CTNND2: variants seen among roughly 807,000 people sequenced by gnomAD.
The protein encoded by CTNND2 is catenin delta 2, also known as catenin delta-2.
In CTNND2, 22 loss-of-function variants were observed where a neutral mutation model predicts 144.4. That is an observed-to-expected ratio of 0.15 (90% confidence interval 0.11 to 0.22). The LOEUF (loss-of-function observed/expected upper bound fraction) is 0.22, where lower values mean the gene tolerates loss of function less well. Among genes scored for constraint, CTNND2 ranks in the 10% least tolerant of loss-of-function variants. The pLI is 1.00. For synonymous variants in CTNND2, 751 were observed against 695.6 expected, an observed-to-expected ratio of 1.08 and a Z score of -1.25; for missense variants, 1,353 against 1,618.8, an observed-to-expected ratio of 0.84 and a Z score of 2.82.
rs1410467920 is a variant in CTNND2, at chr5:11,252,821, ACTC to A, written c.1629-16001_1629-15999del. Among the ~76,000 whole-genome samples, 9 of 152,154 alleles carry A rather than the reference ACTC, an allele frequency of 5.9e-5. No homozygotes were observed. In the East Asian group the frequency reaches 1.7e-3, roughly 29 times the overall value. ...AAGTTGGGCACCAAAATGAATGTGT[ACTC>A]CTCAGTAATTTCATGAGGATAAAGT... On this transcript the variant is annotated intron_variant, in intron 9 of 21. Transcript: ENST00000304623.
intron 2 of CTNND2, among the ~76,000 whole-genome samples, chr5:11,566,478 A>T (rs1777112323): frequency 6.6e-6 from 1 of 152,122 alleles, no homozygotes; most frequent in Non-Finnish European, 1.5e-5. Context: ...TTTCACTTCT[A>T]GACTTCTTAA....
intron 18 of CTNND2, among the ~76,000 whole-genome samples, chr5:10,996,874 G>A (rs1466613209): frequency 6.6e-6 from 1 of 152,150 alleles, no homozygotes; most frequent in Non-Finnish European, 1.5e-5. Context: ...TGGGATTACA[G>A]GTGTGAGCCA....
chr5:11,635,984 A>C (rs1427398074), intron 2 of CTNND2, among the ~76,000 whole-genome samples: 3 of 151,924 alleles, frequency 2.0e-5, no homozygotes, highest in African/African-American at 7.3e-5. Flanking sequence ...AATTGTTCAA[A>C]TGTCTTATCT....
chr5:11,593,773 C>T (rs147851971), intron 2 of CTNND2, among the ~76,000 whole-genome samples: 2 of 152,158 alleles, frequency 1.3e-5, no homozygotes, highest in African/African-American at 4.8e-5. Context: ...TTTTAAATCA[C>T]CCAGTCTCCA....
chr5:11,752,828 A>G (rs1260176559), intron 1 of CTNND2, among the ~76,000 whole-genome samples: 2 of 151,656 alleles, frequency 1.3e-5, no homozygotes, highest in Non-Finnish European at 3.0e-5. Flanking sequence ...ATGTTCTTCC[A>G]TTTTATCAGT....
intron 1 of CTNND2, among the ~76,000 whole-genome samples, chr5:11,769,026 C>T (rs1046194221): frequency 2.0e-5 from 3 of 152,160 alleles, no homozygotes; most frequent in Admixed American, 6.5e-5. Context: ...GAGGCAACTC[C>T]CCTCAGAATC....
At chr5:11,808,673 G>C (rs1410862450) in intron 1 of CTNND2, among the ~76,000 whole-genome samples, 1 of 152,038 alleles carries the variant, frequency 6.6e-6, no homozygotes, top group Non-Finnish European at 1.5e-5. Flanking sequence ...TCTACCACAG[G>C]CAGAAACTCT....
At chr5:11,881,621 T>A (rs1015034939) in intron 1 of CTNND2, among the ~76,000 whole-genome samples, 6 of 151,964 alleles carry the variant, frequency 3.9e-5, no homozygotes, top group Non-Finnish European at 8.8e-5. Context: ...TTCATTCTTT[T>A]TTTATTTATT....
At chr5:11,383,381 C>A (rs1042744876) in intron 7 of CTNND2, among the ~76,000 whole-genome samples, 1 of 152,094 alleles carries the variant, frequency 6.6e-6, no homozygotes, top group African/African-American at 2.4e-5. Context: ...TTCACTCGCC[C>A]CCTTTTCTAA....
At chr5:10,999,941 C>T (rs761173063) in intron 18 of CTNND2, among the ~76,000 whole-genome samples, 8 of 152,218 alleles carry the variant, frequency 5.3e-5, no homozygotes, top group Non-Finnish European at 1.0e-4. Context: ...GCACGACAAT[C>T]GGGCGATGTT....
rs1407233295 is a variant in CTNND2, at chr5:11,673,152, GC to G, written c.174+58983del. Among the ~76,000 whole-genome samples, 5 of 152,164 alleles carry G rather than the reference GC, an allele frequency of 3.3e-5. No individual in the cohort carries two copies. In the East Asian group the frequency reaches 9.7e-4, roughly 29 times the overall value. On this transcript the variant is annotated intron_variant, in intron 2 of 21. Transcript: ENST00000304623. Reference sequence around the variant, plus strand: ...GGGTTTTACAATCAGAAAATGCAGGGCCTCTATTCTGAGAACACATCACTCT... The same window carrying G: ...GGGTTTTACAATCAGAAAATGCAGGGCTCTATTCTGAGAACACATCACTCT...
At chr5:11,091,748 T>TTA (rs1318254732) in intron 15 of CTNND2, among the ~76,000 whole-genome samples, 1 of 152,188 alleles carries the variant, frequency 6.6e-6, no homozygotes, top group East Asian at 1.9e-4. Flanking sequence ...GGCCCATGGA[T>TTA]TATGAGATTT....
chr5:11,083,926 T>G (rs1266726149), intron 15 of CTNND2: 2 of 1,150,664 alleles, frequency 1.7e-6, no homozygotes, highest in Non-Finnish European at 2.2e-6. Flanking sequence ...GTAGGGCATA[T>G]GCCATGCCTG....
chr5:11,074,177 A>G (rs1349946595), intron 16 of CTNND2, among the ~76,000 whole-genome samples: 1 of 152,222 alleles, frequency 6.6e-6, no homozygotes, highest in Non-Finnish European at 1.5e-5. Context: ...GTGACCCTCA[A>G]GAGGTCTGTT....
At chr5:11,684,412 T>A (rs2126634844) in intron 2 of CTNND2, among the ~76,000 whole-genome samples, 1 of 152,284 alleles carries the variant, frequency 6.6e-6, no homozygotes, top group Non-Finnish European at 1.5e-5. Flanking sequence ...TACATGTTAT[T>A]TTTAATAGAA....
At chr5:11,182,916 A>T (rs1735240236) in intron 11 of CTNND2, among the ~76,000 whole-genome samples, 1 of 152,198 alleles carries the variant, frequency 6.6e-6, no homozygotes, top group South Asian at 2.1e-4. Flanking sequence ...AGGTAAAGGG[A>T]ATTTTAGTAA....
At chr5:11,872,158 T>C (rs576576994) in intron 1 of CTNND2, among the ~76,000 whole-genome samples, 2 of 152,158 alleles carry the variant, frequency 1.3e-5, no homozygotes, top group South Asian at 4.2e-4. Flanking sequence ...CCTGTGTTAG[T>C]TTTCTGAGAA....
chr5:11,113,259 T>TA lies in CTNND2; in HGVS notation c.2278-2217dup, dbSNP rs1753189804. Among the ~76,000 whole-genome samples the TA allele has an allele frequency of 2.0e-5, 3 of 152,296 alleles. No homozygotes were observed. The South Asian group carries it at 6.2e-4, about 32-fold the overall frequency. ...ATAGTGTCTGCTCAAAACTATTTGC[T>TA]AAAATACTAGTTGTAATAACTTCTG... On this transcript the variant is annotated intron_variant, in intron 13 of 21. Coordinates refer to ENST00000304623, the MANE Select transcript of CTNND2 (RefSeq NM_001332.4).
chr5:11,821,375 G>A (rs1033820584), intron 1 of CTNND2, among the ~76,000 whole-genome samples: 3 of 152,092 alleles, frequency 2.0e-5, no homozygotes, highest in Admixed American at 6.6e-5. Flanking sequence ...TAAAGAAATG[G>A]CAAAGTGTAT....
Sources: gnomAD v4.1 joint callset for allele counts (sites outside exome capture counted in the v4.1 genomes callset) on GRCh38, gnomAD v4.1.1 for gene constraint, MANE v1.5 for transcripts, NCBI Gene and HGNC (gene_info 2026-07-23, HGNC 2026-07-21) for gene names.